ESPN: variants seen among roughly 807,000 people sequenced by gnomAD.
ESPN encodes espin.
Under a neutral mutation model 77.7 loss-of-function variants are expected in ESPN, and 68 were observed. The ratio of observed to expected loss-of-function variants is 0.87; its 90% CI spans 0.72 to 1.07. The LOEUF is 1.07. ESPN is among the 50% of genes least tolerant of loss of function. The pLI is 0.00. For synonymous variants in ESPN, 449 were observed against 567.1 expected (o/e 0.79, Z 2.96); for missense variants, 1,060 against 1,239.0 (o/e 0.86, Z 2.17).
intron 10 of ESPN, among the ~76,000 whole-genome samples, chr1:6,456,877 C>T (rs1644066150): frequency 1.3e-5 from 2 of 152,310 alleles, no homozygotes; most frequent in East Asian, 1.9e-4. Context: ...GGGCCTGTGG[C>T]CATTGGCCAC....
At position 6,448,783 on chromosome 1, in the gene ESPN, G is replaced by C. The variant is rs1334579859; in HGVS notation, c.1607G>C (p.Gly536Ala). The C allele has an allele frequency of 2.2e-5, 31 of 1,428,234 alleles. No individual in the cohort carries two copies. Among genetic ancestry groups the C allele is most frequent in the South Asian group, 4.3e-5 (3 of 70,074 alleles). The allele number at this position is 1,428,234 out of a possible 1,614,324, so 88.5% of individuals were successfully genotyped here. Residue 536 changes from glycine (G) to alanine (A), a missense_variant, in exon 8 of 13, where the codon GGC (glycine) becomes GCC (alanine). Gly to Ala is a moderately conservative substitution (Grantham distance 60). Coordinates refer to ENST00000645284, the MANE Select transcript of ESPN (RefSeq NM_031475.3). The part of the protein sequence containing the change: ...CPGETLAARP[G>A]MAHSEEVRAR... ...GGCGAGACGCTGGCCGCACGCCCGG[G>C]CATGGCGCACAGCGAGGAGGTGCGT...
Position 6,457,372 on chromosome 1 carries a change from G to A in ESPN, c.2417G>A (p.Arg806Gln), listed in dbSNP as rs147100772. The A allele has an allele frequency of 6.2e-6, 10 of 1,614,080 alleles. No individual in the cohort carries two copies. The highest frequency in any genetic ancestry group is 2.2e-5 in the East Asian group (1 of 44,898). Reference protein sequence around the residue: ...KKLEEEREQKRKEEERQKQEE... With the variant: ...KKLEEEREQKQKEEERQKQEE... The stretch of plus-strand genomic sequence containing the variant: ...CTTTTTCCTTCCAGGGAGCAGAAGC[G>A]GTGAGTGCAGGGCTGGCCCCAACCT... The change falls in exon 12 of 13, where the codon CGG becomes CAG. Residue 806 changes from arginine to glutamine, a missense_variant and splice_region_variant. Physicochemically the swap from Arg to Gln is conservative, Grantham distance 43 (BLOSUM62 1). Around this residue, in one of 3 missense-constraint regions of ESPN, gnomAD observed 374 missense variants for 381.4 expected, o/e 0.98. Transcript: ENST00000645284.
intron 2 of ESPN, among the ~76,000 whole-genome samples, chr1:6,434,802 G>A (rs541515000): frequency 1.5e-4 from 23 of 152,306 alleles, no homozygotes; most frequent in African/African-American, 5.3e-4. Flanking sequence ...GAGCAGTTTG[G>A]TAGGAAGCGA....
In ESPN at chr1:6,440,929, C is replaced by G; in HGVS notation, c.859-5C>G. 1 of 1,569,210 alleles carries G rather than the reference C, an allele frequency of 6.4e-7. No homozygotes were observed. Reference sequence around the variant, plus strand: ...CGGCCGGGTCCTCACTGCGTGCCCCCGCAGTGCTGCCAGATCCTGGTAGTG... The same window carrying G: ...CGGCCGGGTCCTCACTGCGTGCCCCGGCAGTGCTGCCAGATCCTGGTAGTG... On this transcript the variant is annotated splice_polypyrimidine_tract_variant and splice_region_variant and intron_variant, in intron 4 of 12. Transcript: ENST00000645284.
Position 6,444,609 on chromosome 1 carries a change from T to C in ESPN, c.1119T>C (p.Pro373=). The part of the protein sequence containing the change: ...VQPLNFDLSS[P]TSTLSNYDSC... ...CGCTGAACTTTGACCTCAGCTCGCC[T>C]ACCAGCACCCTCTCCAACTACGACT... is the stretch of plus-strand genomic sequence containing the variant. The change falls in exon 6 of 13, where the codon CCT becomes CCC. Residue 373 remains proline (P), a synonymous_variant. Transcript: ENST00000645284. 4 of 1,614,170 alleles carry C rather than the reference T, an allele frequency of 2.5e-6. No homozygotes were observed. Among genetic ancestry groups the C allele is most frequent in the Non-Finnish European group, 3.4e-6 (4 of 1,180,016 alleles).
rs1347345045 is a variant in ESPN at position 6,445,845 on chromosome 1, C to G, written c.1374C>G (p.Pro458=). The part of the protein sequence containing the change: ...LPPPPPGYPA[P]KPPVGPQAAD... ...CACCCCCACCTGGCTACCCAGCTCC[C>G]AAGCCTCCTGTAGGACCACAGGCAG... is the stretch of plus-strand genomic sequence containing the variant. The change falls in exon 7 of 13, where the codon CCC becomes CCG. Residue 458 remains proline, a synonymous_variant. Coordinates refer to ENST00000645284, the MANE Select transcript of ESPN (RefSeq NM_031475.3). The G allele has an allele frequency of 2.5e-6, 4 of 1,609,606 alleles. No individual in the cohort carries two copies. Among genetic ancestry groups the G allele is most frequent in the Non-Finnish European group, 2.5e-6 (3 of 1,178,242 alleles).
At chr1:6,440,604 T>TCAGCC in intron 3 of ESPN, 22 bp from the exon 4 acceptor site, 2 of 725,292 alleles carry the variant, frequency 2.8e-6, no homozygotes, top group Non-Finnish European at 4.2e-6. Flanking sequence ...CCCGCCCCCC[T>TCAGCC]CTCCCCGCCC....
At chr1:6,458,736 G>A (rs186062746) in intron 12 of ESPN, among the ~76,000 whole-genome samples, 149 of 151,176 alleles carry the variant, frequency 9.9e-4, no homozygotes, top group African/African-American at 3.5e-3. Context: ...TTCAAGACCA[G>A]CCTGGCCAAC....
At chr1:6,435,194 G>A (rs1233370257) in intron 2 of ESPN, among the ~76,000 whole-genome samples, 1 of 151,960 alleles carries the variant, frequency 6.6e-6, no homozygotes, top group Admixed American at 6.5e-5. Flanking sequence ...CCATAGGCTC[G>A]GTGAATTTCA....
chr1:6,432,817 C>A (rs1367169673), intron 2 of ESPN, among the ~76,000 whole-genome samples: 1 of 152,208 alleles, frequency 6.6e-6, no homozygotes, highest in African/African-American at 2.4e-5. Flanking sequence ...CATGTCCACC[C>A]GCAGCCTTTG....
At chr1:6,441,360 A>C (rs1268906919) in intron 5 of ESPN, among the ~76,000 whole-genome samples, 5 of 152,208 alleles carry the variant, frequency 3.3e-5, no homozygotes, top group Non-Finnish European at 5.9e-5. Flanking sequence ...ACCCATAGAC[A>C]TTAGCTTGGG....
At chr1:6,448,423 C>T in intron 7 of ESPN, 1 of 522,760 alleles carries the variant, frequency 1.9e-6, no homozygotes, top group South Asian at 2.4e-5. Context: ...GCCCAGAACC[C>T]CTCCCTGTAA....
rs1643470226 is a variant in ESPN at position 6,437,201 on chromosome 1, C to T, written c.489-3053C>T. ...CTGCAGGAGGCTGTGGGTACCACTGCCCCCTGCTGCTCAGATCCTGCTTGG... is the reference window on the plus strand; with the variant it reads ...CTGCAGGAGGCTGTGGGTACCACTGTCCCCTGCTGCTCAGATCCTGCTTGG... On this transcript the variant is annotated intron_variant, in intron 2 of 12. Coordinates refer to ENST00000645284, the MANE Select transcript of ESPN (RefSeq NM_031475.3). This position sits in a 1 kb window ranked among gnomAD's most constrained non-coding sequence, Gnocchi z 4.5. 6.6e-6 allele frequency: 1 copy of T among 152,234 alleles called. No individual in the cohort carries two copies. The highest frequency in any genetic ancestry group is 1.5e-5 in the Non-Finnish European group (1 of 68,056). The allele number at this position is 152,234 out of a possible 1,614,324, so 9.4% of individuals were successfully genotyped here.
intron 2 of ESPN, chr1:6,429,906 A>C (rs1238760889): frequency 6.5e-6 from 1 of 153,846 alleles, no homozygotes; most frequent in Non-Finnish European, 1.5e-5. Flanking sequence ...AGGAGTCACC[A>C]TGAATCTCAG....
At chr1:6,448,597 A>G in intron 7 of ESPN, 44 bp from the exon 8 acceptor site, 1 of 1,513,724 alleles carries the variant, frequency 6.6e-7, no homozygotes, top group Non-Finnish European at 8.8e-7. Context: ...GGGGGCGCCT[A>G]CCGGGCAGGT....
intron 6 of ESPN, among the ~76,000 whole-genome samples, chr1:6,445,125 T>TC (rs1643782274): frequency 1.3e-5 from 2 of 152,022 alleles, no homozygotes; most frequent in African/African-American, 4.8e-5. Flanking sequence ...ACACACCATG[T>TC]CCACAGAGCA....
rs74709537 is a variant in ESPN, at chr1:6,427,741, G to A, written c.295-485G>A. On this transcript the variant is annotated intron_variant, in intron 1 of 12. Transcript: ENST00000645284. This position sits in a 1 kb window ranked among gnomAD's most constrained non-coding sequence, Gnocchi z 4.6. The stretch of plus-strand genomic sequence containing the variant: ...GACACCGAGGAAGGGTGGAGAGATC[G>A]GGGGCAAGTGTTGGATGCAGGGGGT... Among the ~76,000 whole-genome samples the A allele has an allele frequency of 5.9e-3, 903 of 152,332 alleles. 10 individuals are homozygous for A. Among genetic ancestry groups the A allele is most frequent in the East Asian group, 0.046 (238 of 5,190 alleles).
At chr1:6,442,946 G>A (rs1328737572) in intron 5 of ESPN, 1 of 151,690 alleles carries the variant, frequency 6.6e-6, no homozygotes, top group Non-Finnish European at 1.5e-5. Context: ...GAGGCGGCGG[G>A]TGGATCACCT....
chr1:6,442,245 G>A (rs1203022577), intron 5 of ESPN, among the ~76,000 whole-genome samples: 3 of 152,144 alleles, frequency 2.0e-5, no homozygotes, highest in African/African-American at 7.2e-5. Flanking sequence ...GTGCCTTAAA[G>A]GTGTAATCTC....
Sources: allele counts gnomAD v4.1 joint callset (sites outside exome capture counted in the v4.1 genomes callset), GRCh38; gene constraint gnomAD v4.1.1; regional missense constraint gnomAD v4.1.1; non-coding constraint Gnocchi (gnomAD v3.1); transcripts MANE v1.5; gene names NCBI Gene and HGNC (gene_info 2026-07-23, HGNC 2026-07-21).